The following CFAP299 variants were observed in gnomAD, a reference collection of about 807,000 sequenced individuals.
The protein encoded by CFAP299 is cilia- and flagella-associated protein 299.
In CFAP299, 21 loss-of-function variants were observed where a neutral mutation model predicts 27.0. That is an observed-to-expected ratio of 0.78 (90% CI 0.55 to 1.12). The LOEUF (loss-of-function observed/expected upper bound fraction) is 1.12, where lower values mean the gene tolerates loss of function less well. CFAP299 is among the 50% of genes most tolerant of loss of function. The pLI is 0.00. For missense variants in CFAP299, 310 were observed against 276.6 expected, an observed-to-expected ratio of 1.12 and a Z score of -0.86; for synonymous variants, 104 against 98.1, an observed-to-expected ratio of 1.06 and a Z score of -0.36.
At chr4:80,423,993 TGCCCCAGA>T (rs1345098645) in intron 2 of CFAP299, among the ~76,000 whole-genome samples, 1 of 152,216 alleles carries the variant, frequency 6.6e-6, no homozygotes, top group Non-Finnish European at 1.5e-5. Context: ...CGGGTGGCCA[TGCCCCAGA>T]CTGTCCAAGA....
intron 2 of CFAP299, among the ~76,000 whole-genome samples, chr4:80,421,306 C>T (rs973382278): frequency 6.6e-6 from 1 of 152,048 alleles, no homozygotes; most frequent in African/African-American, 2.4e-5. Flanking sequence ...TTTAGTTAGT[C>T]CTTCTTCTTC....
At chr4:80,897,873 A>G (rs576981690) in intron 4 of CFAP299, among the ~76,000 whole-genome samples, 2 of 152,128 alleles carry the variant, frequency 1.3e-5, no homozygotes, top group Non-Finnish European at 2.9e-5. Flanking sequence ...TATTTCCCTG[A>G]CCTCTTCACG....
chr4:80,488,474 CT>C (rs35951592), intron 2 of CFAP299, among the ~76,000 whole-genome samples: 6,758 of 136,396 alleles, frequency 0.05, 295 homozygotes, highest in African/African-American at 0.13. Flanking sequence ...TGGTAAACAC[CT>C]TTTTTTTTTT....
chr4:80,328,300 T>C, the CFAP299 span, among the ~76,000 whole-genome samples: 1 of 152,146 alleles, frequency 6.6e-6, no homozygotes, highest in East Asian at 1.9e-4. Context: ...TTGTATGCCG[T>C]TGGGGTGACC....
At chr4:80,799,432 T>A (rs1248501575) in intron 3 of CFAP299, among the ~76,000 whole-genome samples, 1 of 92,784 alleles carries the variant, frequency 1.1e-5, no homozygotes, top group Non-Finnish European at 1.8e-5. Context: ...ATTTATAATA[T>A]ATATAATATT....
In CFAP299 at chr4:80,916,283, A is replaced by ATG. The variant is rs1398159427; in HGVS notation, c.477-28526_477-28525insGT. Reference sequence around the variant, plus strand: ...TATATATATATATATATATATATATATATATATATATATTTCAGGTACAGA... The same window carrying ATG: ...TATATATATATATATATATATATATATGTATATATATATATTTCAGGTACAGA... On this transcript the variant is annotated intron_variant, in intron 4 of 5. Transcript: ENST00000358105. Among the ~76,000 whole-genome samples, 136 of 116,256 alleles carry ATG rather than the reference A, an allele frequency of 1.2e-3. 1 individual carries two copies. The highest frequency in any genetic ancestry group is 3.8e-3 in the Middle Eastern group (1 of 262). 76.3% of individuals were successfully genotyped at this position (116,256 alleles called of 152,430 possible).
Position 80,860,373 on chromosome 4 carries a change from G to A in CFAP299, c.334-9620G>A, listed in dbSNP as rs142492716. ...TGGTTTGAATTTCCTCCTGTAGCTC[G>A]TAGTTTGATTGTCTGAGGCCTTCTT... On this transcript the variant is annotated intron_variant, in intron 3 of 5. Transcript: ENST00000358105. Among the ~76,000 whole-genome samples the A allele has an allele frequency of 8.7e-3, 1,318 of 151,836 alleles. 20 individuals carry two copies. Among genetic ancestry groups the A allele is most frequent in the African/African-American group, 0.03 (1,245 of 41,466 alleles).
chr4:80,522,817 G>T (rs1732988897), intron 2 of CFAP299, among the ~76,000 whole-genome samples: 1 of 151,990 alleles, frequency 6.6e-6, no homozygotes, highest in Non-Finnish European at 1.5e-5. Context: ...ATATGTATGG[G>T]TTTATTTCTC....
rs573847756 is a variant in CFAP299 at position 80,762,915 on chromosome 4, T to A, written c.334-107078T>A. Among the ~76,000 whole-genome samples, 38 of 152,334 alleles carry A rather than the reference T, an allele frequency of 2.5e-4. 1 individual carries two copies. Among genetic ancestry groups the A allele is most frequent in the African/African-American group, 8.4e-4 (35 of 41,576 alleles). On this transcript the variant is annotated intron_variant, in intron 3 of 5. Transcript: ENST00000358105. Reference sequence around the variant, plus strand: ...GGTCAGCTGAGGCAGCTGATGTAACTGGATCACAGCTCAACTTCTTTCTCT... The same window carrying A: ...GGTCAGCTGAGGCAGCTGATGTAACAGGATCACAGCTCAACTTCTTTCTCT...
intron 4 of CFAP299, chr4:80,871,693 T>A (rs1733106145): frequency 2.1e-6 from 2 of 938,468 alleles, no homozygotes; most frequent in Non-Finnish European, 2.5e-6. Flanking sequence ...CAGCTTTGTT[T>A]TGTTAAAGCA....
intron 2 of CFAP299, among the ~76,000 whole-genome samples, chr4:80,543,565 G>A (rs1037822505): frequency 6.6e-6 from 1 of 152,190 alleles, no homozygotes; most frequent in Non-Finnish European, 1.5e-5. Context: ...ACAATAGGAA[G>A]CATCAACAAC....
intron 3 of CFAP299, among the ~76,000 whole-genome samples, chr4:80,671,897 T>G (rs1190933594): frequency 6.6e-6 from 1 of 152,222 alleles, no homozygotes; most frequent in Non-Finnish European, 1.5e-5. Context: ...GATTTTGGAC[T>G]GAGATGATGG....
chr4:80,551,442 AGAGG>A (rs1734507631), intron 2 of CFAP299, among the ~76,000 whole-genome samples: 1 of 152,174 alleles, frequency 6.6e-6, no homozygotes, highest in African/African-American at 2.4e-5. Context: ...ATAGAAAGAT[AGAGG>A]TAAAAATGCA....
At chr4:80,489,281 TG>T (rs938372462) in intron 2 of CFAP299, among the ~76,000 whole-genome samples, 1 of 152,176 alleles carries the variant, frequency 6.6e-6, no homozygotes, top group African/African-American at 2.4e-5. Context: ...GAGCTGCCAT[TG>T]AAATGGCTGC....
chr4:80,558,746 A>G (rs1192047697), intron 2 of CFAP299, among the ~76,000 whole-genome samples: 1 of 152,120 alleles, frequency 6.6e-6, no homozygotes, highest in Non-Finnish European at 1.5e-5. Flanking sequence ...AAAAAACCTT[A>G]TAAAGATTAT....
At chr4:80,575,774 C>G (rs1461159267) in intron 2 of CFAP299, among the ~76,000 whole-genome samples, 2 of 151,944 alleles carry the variant, frequency 1.3e-5, no homozygotes, top group Admixed American at 6.6e-5. Flanking sequence ...GTGCTTATAG[C>G]TATAAACCTT....
At chr4:80,909,151 G>T (rs1399873426) in intron 4 of CFAP299, among the ~76,000 whole-genome samples, 2 of 151,176 alleles carry the variant, frequency 1.3e-5, no homozygotes, top group Non-Finnish European at 2.9e-5. Flanking sequence ...TTGTGAATTT[G>T]AATTCAGATC....
intron 2 of CFAP299, among the ~76,000 whole-genome samples, chr4:80,459,795 T>C (rs1729349837): frequency 6.6e-6 from 1 of 152,188 alleles, no homozygotes; most frequent in South Asian, 2.1e-4. Context: ...TTCCCTTGAC[T>C]GTGGCTTCCA....
chr4:80,898,940 T>C lies in CFAP299; in HGVS notation c.476+28805T>C, dbSNP rs542292150. Among the ~76,000 whole-genome samples the C allele has an allele frequency of 2.0e-4, 31 of 152,220 alleles. No homozygotes were observed. The South Asian group carries it at 6.2e-3, about 31-fold the overall frequency. Reference sequence around the variant, plus strand: ...GTAAAATTTAGGCTGATTCCCAAAATATAAGGGCTTGCTAACTTCCAATGC... The same window carrying C: ...GTAAAATTTAGGCTGATTCCCAAAACATAAGGGCTTGCTAACTTCCAATGC... On this transcript the variant is annotated intron_variant, in intron 4 of 5. Transcript: ENST00000358105.
Sources: gnomAD v4.1 joint callset for allele counts (sites outside exome capture counted in the v4.1 genomes callset) on GRCh38, gnomAD v4.1.1 for gene constraint, MANE v1.5 for transcripts, NCBI Gene and HGNC (gene_info 2026-07-23, HGNC 2026-07-21) for gene names.